Variants in RNF38 observed in about 807,000 individuals in gnomAD.
The protein encoded by RNF38 is E3 ubiquitin-protein ligase RNF38.
Under a neutral mutation model 67.2 loss-of-function variants are expected in RNF38, and 15 were observed. The ratio of observed to expected loss-of-function variants is 0.22; its 90% confidence interval spans 0.15 to 0.34. The LOEUF is 0.34. Ranked by LOEUF, RNF38 falls within the 10% of genes least tolerant of loss-of-function variation. The pLI, the probability that RNF38 is intolerant of heterozygous loss-of-function variation, is 1.00. For missense variants in RNF38, 524 were observed against 639.9 expected (o/e 0.82, Z 1.95); for synonymous variants, 220 against 218.8 (o/e 1.01, Z -0.05).
intron 4 of RNF38, among the ~76,000 whole-genome samples, chr9:36,361,790 T>C (rs181812266): frequency 1.3e-5 from 2 of 152,304 alleles, no homozygotes; most frequent in Non-Finnish European, 2.9e-5. Context: ...TACTTGATGC[T>C]AGATTCTTAA....
At chr9:36,356,189 G>A (rs1183642460) in intron 6 of RNF38, 114 bp downstream of exon 6, 1 of 973,676 alleles carries the variant, frequency 1.0e-6, no homozygotes, top group East Asian at 2.6e-5. Flanking sequence ...TAGTAACTTA[G>A]GCATTCGTCT....
At chr9:36,462,718 A>G (rs1006761117) in intron 1 of RNF38, among the ~76,000 whole-genome samples, 4 of 150,324 alleles carry the variant, frequency 2.7e-5, no homozygotes, top group African/African-American at 9.8e-5. Context: ...TCTGTCGCCC[A>G]GGCTGGAGAT....
intron 4 of RNF38, among the ~76,000 whole-genome samples, chr9:36,361,502 C>G (rs1245101824): frequency 2.0e-5 from 3 of 152,064 alleles, no homozygotes; most frequent in African/African-American, 7.2e-5. Context: ...AAGAAAAATA[C>G]TTCTGTTTAA....
chr9:36,391,362 T>C (rs1218888979), intron 1 of RNF38, among the ~76,000 whole-genome samples: 1 of 152,092 alleles, frequency 6.6e-6, no homozygotes. Context: ...CTTAAATTCA[T>C]ATGTAAATAT....
chr9:36,398,742 C>CA (rs766751535), intron 1 of RNF38, among the ~76,000 whole-genome samples: 1 of 152,154 alleles, frequency 6.6e-6, no homozygotes. Flanking sequence ...ACGCAACAAT[C>CA]AAGACTAATT....
intron 2 of RNF38, among the ~76,000 whole-genome samples, chr9:36,388,953 C>T (rs983193053): frequency 2.6e-5 from 4 of 151,978 alleles, no homozygotes; most frequent in Non-Finnish European, 5.9e-5. Context: ...TAACAAATTA[C>T]ACCCTTTTTT....
chr9:36,480,181 G>A (rs1294749447), intron 1 of RNF38, among the ~76,000 whole-genome samples: 2 of 151,994 alleles, frequency 1.3e-5, no homozygotes, highest in South Asian at 4.1e-4. Flanking sequence ...GTTTCACCAT[G>A]TTGCTCAGGC....
chr9:36,452,840 T>TG (rs1174630694), intron 1 of RNF38, among the ~76,000 whole-genome samples: 1 of 152,128 alleles, frequency 6.6e-6, no homozygotes, highest in Non-Finnish European at 1.5e-5. Flanking sequence ...GCCAAAACCT[T>TG]GTTTATTTTT....
chr9:36,360,220 G>T (rs890815254), intron 4 of RNF38, among the ~76,000 whole-genome samples: 11 of 151,954 alleles, frequency 7.2e-5, no homozygotes, highest in African/African-American at 2.7e-4. Flanking sequence ...TATTAAATTT[G>T]TTCCTCAAAC....
intron 2 of RNF38, among the ~76,000 whole-genome samples, chr9:36,388,443 G>A (rs1221441603): frequency 6.6e-6 from 1 of 151,952 alleles, no homozygotes; most frequent in Non-Finnish European, 1.5e-5. Flanking sequence ...TAATAAACAA[G>A]GACAATGACA....
chr9:36,467,089 G>A (rs1439839861), intron 1 of RNF38, among the ~76,000 whole-genome samples: 1 of 134,540 alleles, frequency 7.4e-6, no homozygotes, highest in African/African-American at 2.8e-5. Context: ...TGAGGCAGGA[G>A]AATCATTTGA....
At chr9:36,374,166 G>A (rs1384603558) in intron 3 of RNF38, among the ~76,000 whole-genome samples, 1 of 152,094 alleles carries the variant, frequency 6.6e-6, no homozygotes, top group Non-Finnish European at 1.5e-5. Context: ...CATGTAATTG[G>A]TTAATAAGGT....
chr9:36,365,149 C>G lies in RNF38; in HGVS notation c.570+4570G>C, dbSNP rs186248790. On this transcript the variant is annotated intron_variant, in intron 4 of 11. Transcript: ENST00000259605. ...ACTAAAAATGACAGAATCATCTTCTCAAGTTACACCAAAAATCTACTGAAA... is the reference window on the plus strand; with the variant it reads ...ACTAAAAATGACAGAATCATCTTCTGAAGTTACACCAAAAATCTACTGAAA... 1.1e-4 allele frequency among the ~76,000 whole-genome samples: 17 copies of G among 151,974 alleles called. 1 individual carries two copies. The East Asian group carries it at 3.3e-3, about 29-fold the overall frequency.
intron 1 of RNF38, among the ~76,000 whole-genome samples, chr9:36,454,920 A>G (rs921016214): frequency 2.0e-5 from 3 of 152,208 alleles, no homozygotes; most frequent in African/African-American, 2.4e-5. Context: ...TCAAGGTTAT[A>G]TATTTATGCT....
chr9:36,474,502 T>A (rs79998931), intron 1 of RNF38, among the ~76,000 whole-genome samples: 1 of 148,174 alleles, frequency 6.7e-6, no homozygotes, highest in Non-Finnish European at 1.5e-5. Context: ...TAAAGTAAGA[T>A]GCAGTAAAGC....
intron 7 of RNF38, 107 bp from the exon 8 acceptor site, chr9:36,352,955 G>T: frequency 1.1e-6 from 1 of 897,200 alleles, no homozygotes; most frequent in African/African-American, 1.7e-5. Context: ...GTTCTTTATT[G>T]TTCAAAGTTT....
At chr9:36,371,939 T>C (rs1261837500) in intron 3 of RNF38, among the ~76,000 whole-genome samples, 4 of 151,602 alleles carry the variant, frequency 2.6e-5, no homozygotes, top group Non-Finnish European at 5.9e-5. Context: ...CTTTTCTTTT[T>C]TTTTTTTTTG....
At chr9:36,355,603 T>C (rs749988136) in intron 6 of RNF38, among the ~76,000 whole-genome samples, 1 of 152,130 alleles carries the variant, frequency 6.6e-6, no homozygotes, top group African/African-American at 2.4e-5. Context: ...AATAATTTTA[T>C]AATATTTTCA....
chr9:36,425,112 T>A (rs918306292), intron 1 of RNF38, among the ~76,000 whole-genome samples: 11 of 152,208 alleles, frequency 7.2e-5, no homozygotes, highest in Admixed American at 7.2e-4. Flanking sequence ...CAATCTAATC[T>A]ACAATCACAT....
Sources: allele counts gnomAD v4.1 joint callset (sites outside exome capture counted in the v4.1 genomes callset), GRCh38; gene constraint gnomAD v4.1.1; transcripts MANE v1.5; gene names NCBI Gene and HGNC (gene_info 2026-07-23, HGNC 2026-07-21).